Variants in DCLRE1A observed in about 807,000 individuals in gnomAD.
DCLRE1A encodes the protein DNA cross-link repair 1A protein.
In DCLRE1A, 64 loss-of-function variants were observed where a neutral mutation model predicts 91.9. The ratio of observed to expected loss-of-function variants is 0.70; its 90% CI spans 0.57 to 0.86. DCLRE1A has a LOEUF of 0.86. DCLRE1A is among the 40% of genes least tolerant of loss of function. The pLI is 0.00. For synonymous variants in DCLRE1A, 416 were observed against 431.1 expected, an observed-to-expected ratio of 0.96 and a Z score of 0.43; for missense variants, 1,145 against 1,213.3, an observed-to-expected ratio of 0.94 and a Z score of 0.84.
intron 5 of DCLRE1A, 147 bp downstream of exon 5, chr10:113,843,957 A>T: frequency 9.4e-7 from 1 of 1,058,934 alleles, no homozygotes; most frequent in Non-Finnish European, 1.3e-6. Context: ...GCCCTTAAGC[A>T]AGTATATACA....
At position 113,842,399 on chromosome 10, in the gene DCLRE1A, G is replaced by A; in HGVS notation, c.2609C>T (p.Pro870Leu). 1 of 1,613,928 alleles carries A rather than the reference G, an allele frequency of 6.2e-7. No individual in the cohort carries two copies. Among genetic ancestry groups the A allele is most frequent in the Non-Finnish European group, 8.5e-7 (1 of 1,179,852 alleles). ...AGTGCCACAGACAACAAGAGCATGT[G>A]GGTTTAGAGTTACAGCCTCAAAGGC... ...NTAFEAVTLN[P>L]HALVVCGTYS... The change falls in exon 6 of 9, where the codon CCA becomes CTA. Residue 870 changes from proline to leucine, a missense_variant. Coordinates refer to ENST00000361384, the MANE Select transcript of DCLRE1A (RefSeq NM_014881.5).
chr10:113,835,128 A>G lies in DCLRE1A; in HGVS notation c.*24T>C, dbSNP rs759479006. ...CAAGCTACATCCAAGGAACTTAACT[A>G]CTACTGAATCCTCGGAGGTATCATC... On this transcript the variant is annotated 3_prime_UTR_variant, in exon 9 of 9. Coordinates refer to ENST00000361384, the MANE Select transcript of DCLRE1A (RefSeq NM_014881.5). 1.8e-4 allele frequency: 286 copies of G among 1,603,664 alleles called. 2 individuals carry two copies. The South Asian group carries it at 2.8e-3, about 16-fold the overall frequency.
At chr10:113,847,560 G>T (rs994956130) in intron 2 of DCLRE1A, among the ~76,000 whole-genome samples, 14 of 73,096 alleles carry the variant, frequency 1.9e-4, no homozygotes, top group African/African-American at 4.5e-4. Flanking sequence ...GTGAATAATT[G>T]CACCAAAAAA....
intron 4 of DCLRE1A, among the ~76,000 whole-genome samples, chr10:113,845,421 A>T (rs185375163): frequency 6.6e-6 from 1 of 152,206 alleles, no homozygotes; most frequent in Non-Finnish European, 1.5e-5. Context: ...AAAGTATTTT[A>T]AAAAATAAGA....
At chr10:113,845,173 G>A (rs764274979) in intron 4 of DCLRE1A, among the ~76,000 whole-genome samples, 5 of 151,896 alleles carry the variant, frequency 3.3e-5, no homozygotes, top group Non-Finnish European at 5.9e-5. Flanking sequence ...AATGCTGATA[G>A]TACTTTATAT....
intron 5 of DCLRE1A, among the ~76,000 whole-genome samples, chr10:113,843,523 T>C (rs764294878): frequency 6.6e-6 from 1 of 152,206 alleles, no homozygotes; most frequent in Non-Finnish European, 1.5e-5. Context: ...AGATAATTTC[T>C]AACAAGTTGA....
chr10:113,845,829 T>C, intron 3 of DCLRE1A, 26 bp from the exon 4 acceptor site: 1 of 1,535,286 alleles, frequency 6.5e-7, no homozygotes, highest in Middle Eastern at 1.7e-4. Context: ...TGCTTATTGC[T>C]GATGCAGTAA....
In DCLRE1A at chr10:113,842,475, C is replaced by T. The variant is rs1468750709; in HGVS notation, c.2533G>A (p.Glu845Lys). The T allele has an allele frequency of 6.2e-7, 1 of 1,612,982 alleles. No homozygotes were observed. The highest frequency in any genetic ancestry group is 1.3e-5 in the African/African-American group (1 of 74,848). The change falls in exon 6 of 9, where the codon GAA becomes AAA. Residue 845 changes from glutamate (E) to lysine (K), a missense_variant. Transcript: ENST00000361384. ...TCTTGCTGAGATGGAAAGGTGTATT[C>T]TGGGCTACAATATCTGTGGTATGGA... ...LYLDTTYCSP[E>K]YTFPSQQEVI...
chr10:113,835,372 T>A, intron 8 of DCLRE1A, 60 bp from the exon 9 acceptor site: 1 of 1,472,232 alleles, frequency 6.8e-7, no homozygotes, highest in African/African-American at 1.4e-5. Flanking sequence ...ACTTTCACAA[T>A]CCTAAAATAA....
chr10:113,843,962 T>C, intron 5 of DCLRE1A, 142 bp downstream of exon 5: 1 of 1,147,934 alleles, frequency 8.7e-7, no homozygotes, highest in African/African-American at 1.6e-5. Context: ...TAAGCAAGTA[T>C]ATACATATTT....
Position 113,853,914 on chromosome 10 carries a change from T to C in DCLRE1A, c.-732A>G, listed in dbSNP as rs1355678352. On this transcript the variant is annotated 5_prime_UTR_variant, in exon 1 of 9. Transcript: ENST00000361384. ...AAATATGTGAAAGAGTGGGCTTGTATTGAGGTCTGACTCCGTATTGCACCC... is the reference window on the plus strand; with the variant it reads ...AAATATGTGAAAGAGTGGGCTTGTACTGAGGTCTGACTCCGTATTGCACCC... The C allele has an allele frequency of 6.6e-6, 1 of 152,126 alleles. No homozygotes were observed. Among genetic ancestry groups the C allele is most frequent in the Non-Finnish European group, 1.5e-5 (1 of 68,038 alleles). 9.4% of individuals were successfully genotyped at this position (152,126 alleles called of 1,614,324 possible).
intron 5 of DCLRE1A, among the ~76,000 whole-genome samples, chr10:113,842,760 G>C (rs1336376194): frequency 6.6e-6 from 1 of 151,786 alleles, no homozygotes; most frequent in Non-Finnish European, 1.5e-5. Flanking sequence ...TTTCCTCCAA[G>C]AATATTTCTA....
Position 113,849,827 on chromosome 10 carries a change from A to G in DCLRE1A, c.1278T>C (p.Thr426=), listed in dbSNP as rs771026163. 3.1e-6 allele frequency: 5 copies of G among 1,614,128 alleles called. No homozygotes were observed. The highest frequency in any genetic ancestry group is 4.2e-6 in the Non-Finnish European group (5 of 1,180,020). Reference sequence around the variant, plus strand: ...ATTCTGGCTCATCAGGTTTTGCTTTAGTTGCCTGATGAACAGAAGCAGCAA... The same window carrying G: ...ATTCTGGCTCATCAGGTTTTGCTTTGGTTGCCTGATGAACAGAAGCAGCAA... ...GKLAASVHQA[T]KAKPDEPEFH... The change falls in exon 2 of 9, where the codon ACT becomes ACC. Residue 426 remains threonine (T), a synonymous_variant. Coordinates refer to ENST00000361384, the MANE Select transcript of DCLRE1A (RefSeq NM_014881.5).
At position 113,848,983 on chromosome 10, in the gene DCLRE1A, G is replaced by C; in HGVS notation, c.2122C>G (p.Pro708Ala). The change falls in exon 2 of 9, where the codon CCT (proline) becomes GCT (alanine). Residue 708 changes from proline (P) to alanine (A), a missense_variant. Coordinates refer to ENST00000361384, the MANE Select transcript of DCLRE1A (RefSeq NM_014881.5). Reference protein sequence around the residue: ...KKTCPFYKKIPGTGFTVDAFQ... With the variant: ...KKTCPFYKKIAGTGFTVDAFQ... Reference sequence around the variant, plus strand: ...GAGTATTGACATTTCAACTTACCAGGTATTTTCTTATAGAATGGACATGTC... The same window carrying C: ...GAGTATTGACATTTCAACTTACCAGCTATTTTCTTATAGAATGGACATGTC... 1.2e-6 allele frequency: 2 copies of C among 1,609,136 alleles called. No homozygotes were observed. The highest frequency in any genetic ancestry group is 8.5e-7 in the Non-Finnish European group (1 of 1,178,100).
intron 7 of DCLRE1A, 126 bp downstream of exon 7, chr10:113,841,280 T>C (rs997764682): frequency 3.0e-5 from 33 of 1,098,802 alleles, no homozygotes; most frequent in South Asian, 1.7e-4. Context: ...TCTTAAAAGA[T>C]TGTCTAGGGC....
rs185058106 is a variant in DCLRE1A, at chr10:113,845,036, G to C, written c.2378+649C>G. Among the ~76,000 whole-genome samples the C allele has an allele frequency of 8.3e-4, 125 of 151,262 alleles. 2 individuals carry two copies. The highest frequency in any genetic ancestry group is 2.5e-3 in the African/African-American group (105 of 41,246). On this transcript the variant is annotated intron_variant, in intron 4 of 8. Coordinates refer to ENST00000361384, the MANE Select transcript of DCLRE1A (RefSeq NM_014881.5). Reference sequence around the variant, plus strand: ...TAAAGGCAACCTAATGTAATAGCTTGGCCTGGATTTTAGGTAACCTAGATT... The same window carrying C: ...TAAAGGCAACCTAATGTAATAGCTTCGCCTGGATTTTAGGTAACCTAGATT...
At chr10:113,839,152 C>G (rs537505971) in intron 7 of DCLRE1A, among the ~76,000 whole-genome samples, 1 of 151,738 alleles carries the variant, frequency 6.6e-6, no homozygotes. Context: ...GGTGAAACCC[C>G]ATCTCTACTA....
Position 113,849,278 on chromosome 10 carries a change from A to G in DCLRE1A, c.1827T>C (p.Asp609=). ...CKRKAEKSLS[D]LEFDASTLHE... is the part of the protein sequence containing the mutation. ...GTAAAGTACTTGCATCAAATTCTAA[A>G]TCACTTAAAGATTTTTCTGCTTTCC... The change falls in exon 2 of 9, where the codon GAT becomes GAC. Residue 609 remains aspartate, a synonymous_variant. Coordinates refer to ENST00000361384, the MANE Select transcript of DCLRE1A (RefSeq NM_014881.5). 1 of 1,614,168 alleles carries G rather than the reference A, an allele frequency of 6.2e-7. No homozygotes were observed. Among genetic ancestry groups the G allele is most frequent in the Non-Finnish European group, 8.5e-7 (1 of 1,180,036 alleles).
At chr10:113,848,673 C>T (rs1267563180) in intron 2 of DCLRE1A, among the ~76,000 whole-genome samples, 1 of 152,120 alleles carries the variant, frequency 6.6e-6, no homozygotes, top group East Asian at 1.9e-4. Flanking sequence ...GCCTTTCCTC[C>T]TTTCATATTA....
Sources: gnomAD v4.1 joint callset for allele counts (sites outside exome capture counted in the v4.1 genomes callset) on GRCh38, gnomAD v4.1.1 for gene constraint, MANE v1.5 for transcripts, NCBI Gene and HGNC (gene_info 2026-07-23, HGNC 2026-07-21) for gene names.